Variants in SPMIP2 observed in about 807,000 individuals in gnomAD.
SPMIP2 encodes the protein sperm microtubule inner protein 2.
chr4:158,940,000 CA>C, the SPMIP2 span, among the ~76,000 whole-genome samples: 3 of 152,140 alleles, frequency 2.0e-5, no homozygotes, highest in East Asian at 3.8e-4. Flanking sequence ...GTTGGGTTTT[CA>C]GGGGGCAAGA....
chr4:159,069,603 T>TA, the SPMIP2 span, among the ~76,000 whole-genome samples: 1,607 of 144,212 alleles, frequency 0.011, 35 homozygotes, highest in African/African-American at 0.037. Flanking sequence ...CCTGGCTAAT[T>TA]AAAAAAAAAA....
At chr4:159,055,924 C>T in the SPMIP2 span, among the ~76,000 whole-genome samples, 2 of 152,058 alleles carry the variant, frequency 1.3e-5, no homozygotes, top group Non-Finnish European at 2.9e-5. Flanking sequence ...AGCTTGGCCT[C>T]CAGCTCACAA....
chr4:159,062,930 G>A, the SPMIP2 span, among the ~76,000 whole-genome samples: 8 of 149,736 alleles, frequency 5.3e-5, no homozygotes, highest in Admixed American at 1.3e-4. Context: ...TGGGCTCAAC[G>A]GATACACCCA....
At chr4:158,974,415 C>T in the SPMIP2 span, among the ~76,000 whole-genome samples, 8 of 152,062 alleles carry the variant, frequency 5.3e-5, no homozygotes, top group African/African-American at 1.2e-4. Context: ...CCCATCAACC[C>T]GTCATCTACA....
At chr4:159,035,157 T>G in the SPMIP2 span, 2 of 1,407,362 alleles carry the variant, frequency 1.4e-6, no homozygotes, top group South Asian at 1.2e-5. Flanking sequence ...TCAGTTAAGC[T>G]GCACCAGAAA....
the SPMIP2 span, among the ~76,000 whole-genome samples, chr4:158,958,152 C>T: frequency 6.6e-6 from 1 of 152,098 alleles, no homozygotes; most frequent in African/African-American, 2.4e-5. Context: ...GTGTGTACCA[C>T]CACTCCTGAC....
chr4:158,999,166 G>A, the SPMIP2 span, among the ~76,000 whole-genome samples: 1 of 57,810 alleles, frequency 1.7e-5, no homozygotes, highest in Admixed American at 1.7e-4. Context: ...GTGAGACCCT[G>A]CCTCAAAAAA....
At chr4:158,988,659 G>T in the SPMIP2 span, among the ~76,000 whole-genome samples, 29 of 152,262 alleles carry the variant, frequency 1.9e-4, no homozygotes, top group African/African-American at 6.7e-4. Context: ...CTCAATAGAT[G>T]CAGAAAAGGC....
the SPMIP2 span, among the ~76,000 whole-genome samples, chr4:159,055,515 C>A: frequency 6.6e-6 from 1 of 152,066 alleles, no homozygotes; most frequent in Non-Finnish European, 1.5e-5. Flanking sequence ...TGAGACCAGC[C>A]TGGGCAACCG....
the SPMIP2 span, among the ~76,000 whole-genome samples, chr4:158,894,488 C>T: frequency 6.6e-6 from 1 of 152,096 alleles, no homozygotes; most frequent in Non-Finnish European, 1.5e-5. Flanking sequence ...TGTCTAAATG[C>T]TTTGATTTCA....
At chr4:159,080,139 C>A in the SPMIP2 span, among the ~76,000 whole-genome samples, 1 of 152,108 alleles carries the variant, frequency 6.6e-6, no homozygotes, top group Non-Finnish European at 1.5e-5. Context: ...CAGACTTTTT[C>A]TCTCGCCTCT....
chr4:158,930,081 G>T, the SPMIP2 span, among the ~76,000 whole-genome samples: 2 of 152,078 alleles, frequency 1.3e-5, no homozygotes, highest in South Asian at 2.1e-4. Flanking sequence ...TGCATACATA[G>T]AATTCTTGGC....
the SPMIP2 span, among the ~76,000 whole-genome samples, chr4:159,046,167 C>A: frequency 6.6e-6 from 1 of 151,144 alleles, no homozygotes; most frequent in Non-Finnish European, 1.5e-5. Context: ...GAAGTCGAGG[C>A]TGCAATGAGA....
chr4:159,065,473 T>C, the SPMIP2 span, among the ~76,000 whole-genome samples: 1 of 152,302 alleles, frequency 6.6e-6, no homozygotes, highest in South Asian at 2.1e-4. Context: ...ATCCCAGCAC[T>C]TTGGGAGGCC....
At chr4:159,058,591 G>A in the SPMIP2 span, among the ~76,000 whole-genome samples, 2 of 152,096 alleles carry the variant, frequency 1.3e-5, no homozygotes, top group South Asian at 4.1e-4. Context: ...CTACCTAAAG[G>A]CAAATAAATA....
At chr4:158,921,242 C>T in the SPMIP2 span, among the ~76,000 whole-genome samples, 1 of 152,126 alleles carries the variant, frequency 6.6e-6, no homozygotes, top group Admixed American at 6.5e-5. Context: ...AGTACAAGAC[C>T]AGCCTGTCCA....
the SPMIP2 span, among the ~76,000 whole-genome samples, chr4:158,970,664 G>A: frequency 6.6e-6 from 1 of 152,100 alleles, no homozygotes; most frequent in African/African-American, 2.4e-5. Context: ...AACTGTTAAG[G>A]AAATTATAGA....
At chr4:159,066,619 ATAG>A in the SPMIP2 span, among the ~76,000 whole-genome samples, 3,902 of 32,108 alleles carry the variant, frequency 0.12, 61 homozygotes, top group East Asian at 0.18. Flanking sequence ...ATATATATAT[ATAG>A]TATTAAAGGG....
At chr4:158,981,121 C>T in the SPMIP2 span, among the ~76,000 whole-genome samples, 9 of 151,932 alleles carry the variant, frequency 5.9e-5, no homozygotes, top group African/African-American at 1.5e-4. Context: ...TGAAGATCAA[C>T]TGAATGAAAT....
Sources: allele counts gnomAD v4.1 joint callset (sites outside exome capture counted in the v4.1 genomes callset), GRCh38; gene constraint gnomAD v4.1.1; transcripts MANE v1.5; gene names NCBI Gene and HGNC (gene_info 2026-07-23, HGNC 2026-07-21).